The following RAD51AP2 variants were observed in gnomAD, a reference collection of about 807,000 sequenced individuals.
The protein encoded by RAD51AP2 is RAD51 associated protein 2, also known as RAD51-associated protein 2.
In RAD51AP2, 67 loss-of-function variants were observed where a neutral mutation model predicts 85.5. The ratio of observed to expected loss-of-function variants is 0.78; its 90% CI spans 0.64 to 0.96. The LOEUF (loss-of-function observed/expected upper bound fraction) is 0.96, where lower values mean the gene tolerates loss of function less well. Among genes scored for constraint, RAD51AP2 ranks in the 40% least tolerant of loss-of-function variants. The pLI, the probability that RAD51AP2 is intolerant of heterozygous loss-of-function variation, is 0.00. For synonymous variants in RAD51AP2, 474 were observed against 446.5 expected, an observed-to-expected ratio of 1.06 and a Z score of -0.78; for missense variants, 1,307 against 1,332.4, an observed-to-expected ratio of 0.98 and a Z score of 0.30.
At position 17,517,074 on chromosome 2, in the gene RAD51AP2, A is replaced by G. The variant is rs1471471591; in HGVS notation, c.1342T>C (p.Cys448Arg). Residue 448 changes from cysteine to arginine, a missense_variant, in exon 1 of 3, where the codon TGT (cysteine) becomes CGT (arginine). This residue lies in a region of RAD51AP2 where 635 missense variants were observed against 643.6 expected (regional missense o/e 0.99). Transcript: ENST00000399080. Reference sequence around the variant, plus strand: ...TCATATGCATTGATGACTTTTGCACAGTGGTAATCTTCCTTGCTTAAAAGG... The same window carrying G: ...TCATATGCATTGATGACTTTTGCACGGTGGTAATCTTCCTTGCTTAAAAGG... The part of the protein sequence containing the change: ...IDLLSKEDYH[C>R]AKVINAYEEQ... 1.2e-6 allele frequency: 2 copies of G among 1,612,660 alleles called. No individual in the cohort carries two copies. The highest frequency in any genetic ancestry group is 1.7e-6 in the Non-Finnish European group (2 of 1,179,532).
In RAD51AP2 at chr2:17,517,324, T is replaced by C. The variant is rs769565887; in HGVS notation, c.1092A>G (p.Arg364=). 8 of 1,613,938 alleles carry C rather than the reference T, an allele frequency of 5.0e-6. No individual in the cohort carries two copies. The highest frequency in any genetic ancestry group is 6.8e-6 in the Non-Finnish European group (8 of 1,179,970). The change falls in exon 1 of 3, where the codon AGA becomes AGG. Residue 364 remains arginine (R), a synonymous_variant. Transcript: ENST00000399080. ...SSIQCNVRDS[R]KNFAILENAN... ...CATTTTCTAGTATAGCGAAATTCTT[T>C]CTAGAGTCTCTTACATTACACTGGA...
In RAD51AP2 at chr2:17,515,352, C is replaced by A. The variant is rs762335630; in HGVS notation, c.3064G>T (p.Val1022Phe). The change falls in exon 1 of 3, where the codon GTC (valine) becomes TTC (phenylalanine). Residue 1022 changes from valine to phenylalanine, a missense_variant. Physicochemically the swap from Val to Phe is conservative, Grantham distance 50. Transcript: ENST00000399080. ...EIEKDLKMVV[V>F]NKIRASSSFH... ...GAGGAAGATGCACGTATTTTGTTGA[C>A]CACAACCATTTTCAAATCTTTTTCT... 3.8e-5 allele frequency: 62 copies of A among 1,611,894 alleles called. No homozygotes were observed. The Admixed American group carries it at 9.7e-4, about 25-fold the overall frequency.
upstream of RAD51AP2, among the ~76,000 whole-genome samples, chr2:17,521,721 G>A (rs1662860982): frequency 6.6e-6 from 1 of 151,990 alleles, no homozygotes; most frequent in South Asian, 2.1e-4. Context: ...ATGGTAATTT[G>A]TAACATAAAT....
At chr2:17,521,958 T>G (rs1662866129), upstream of RAD51AP2, among the ~76,000 whole-genome samples, 2 of 152,004 alleles carry the variant, frequency 1.3e-5, 1 homozygote, top group South Asian at 4.1e-4. Context: ...ACCCTGAAAT[T>G]AATCCCCCTT....
rs200406177 is a variant in RAD51AP2, at chr2:17,510,863, T to A, written c.3421A>T (p.Lys1141Ter). The A allele has an allele frequency of 1.2e-6, 2 of 1,609,098 alleles. No homozygotes were observed. The highest frequency in any genetic ancestry group is 1.7e-4 in the Middle Eastern group (1 of 6,052). ...RIGLSRKARI[K>*]QLHPYLKQMC... Reference sequence around the variant, plus strand: ...TGTTTCAGATAAGGATGAAGTTGTTTAATCCTTGCTTTTCTTGACAAACCA... The same window carrying A: ...TGTTTCAGATAAGGATGAAGTTGTTAAATCCTTGCTTTTCTTGACAAACCA... The change falls in exon 3 of 3, where the codon AAA becomes TAA. Residue 1141 changes from lysine to a stop codon, truncating the protein, a stop_gained. Transcript: ENST00000399080. LOFTEE classifies it high-confidence loss of function.
chr2:17,516,409 G>C lies in RAD51AP2; in HGVS notation c.2007C>G (p.Ser669=). Reference sequence around the variant, plus strand: ...CTGTATTTTGAGTTGTCATACTGAAGGAATTAATGAGTTTTTTCTTAGACT... The same window carrying C: ...CTGTATTTTGAGTTGTCATACTGAACGAATTAATGAGTTTTTTCTTAGACT... ...FEKSKKKLIN[S]FSMTTQNTGF... is the part of the protein sequence containing the mutation. Residue 669 remains serine (S), a synonymous_variant, in exon 1 of 3, where the codon TCC becomes TCG. Coordinates refer to ENST00000399080, the MANE Select transcript of RAD51AP2 (RefSeq NM_001099218.3). 6.2e-7 allele frequency: 1 copy of C among 1,602,902 alleles called. No individual in the cohort carries two copies. The highest frequency in any genetic ancestry group is 8.5e-7 in the Non-Finnish European group (1 of 1,176,496).
chr2:17,510,919 G>C lies in RAD51AP2; in HGVS notation c.3365C>G (p.Pro1122Arg). 6.2e-7 allele frequency: 1 copy of C among 1,601,262 alleles called. No individual in the cohort carries two copies. Among genetic ancestry groups the C allele is most frequent in the East Asian group, 2.3e-5 (1 of 44,366 alleles). The change falls in exon 3 of 3, where the codon CCG (proline) becomes CGG (arginine). Residue 1122 changes from proline to arginine, a missense_variant. Pro to Arg is a moderately radical substitution (Grantham distance 103). Around this residue, in one of 3 missense-constraint regions of RAD51AP2, gnomAD observed 668 missense variants for 671.0 expected, o/e 1.00. Transcript: ENST00000399080. Reference protein sequence around the residue: ...HFPHGISRVRPLKTCSRPIRI... With the variant: ...HFPHGISRVRRLKTCSRPIRI... ...GATTGGCCTACTGCATGTCTTAAGCGGTCGTACTCTTGAAATGCCATGTGG... is the reference window on the plus strand; with the variant it reads ...GATTGGCCTACTGCATGTCTTAAGCCGTCGTACTCTTGAAATGCCATGTGG...
Position 17,517,563 on chromosome 2 carries a change from T to TGTCATTCTTTTTC in RAD51AP2, c.840_852dup (p.Lys285GlufsTer4). ...AAATCCCTAACATATGCCTCTTTTT[T>TGTCATTCTTTTTC]GTCATTCTTTTTCTTCGCTATTTCC... On this transcript the variant is annotated stop_gained and frameshift_variant, in exon 1 of 3. Transcript: ENST00000399080. LOFTEE classifies it high-confidence loss of function. 6.2e-7 allele frequency: 1 copy of TGTCATTCTTTTTC among 1,613,746 alleles called. No individual in the cohort carries two copies. Among genetic ancestry groups the TGTCATTCTTTTTC allele is most frequent in the Non-Finnish European group, 8.5e-7 (1 of 1,179,946 alleles).
At chr2:17,537,621 A>T in the RAD51AP2 span, among the ~76,000 whole-genome samples, 1 of 152,252 alleles carries the variant, frequency 6.6e-6, no homozygotes, top group South Asian at 2.1e-4. Context: ...AAATAATATT[A>T]CCAGGAGTTC....
chr2:17,513,509 T>TTA (rs1662558093), intron 2 of RAD51AP2, among the ~76,000 whole-genome samples: 1 of 152,140 alleles, frequency 6.6e-6, no homozygotes, highest in South Asian at 2.1e-4. Flanking sequence ...ATTGCTGGGG[T>TTA]TACAGGCGTG....
chr2:17,523,188 T>G (rs1662894352), upstream of RAD51AP2, among the ~76,000 whole-genome samples: 1 of 151,926 alleles, frequency 6.6e-6, no homozygotes, highest in Admixed American at 6.6e-5. Context: ...AGAAGAGTCC[T>G]GGGCACCCAG....
At chr2:17,511,956 A>G (rs562643385) in intron 2 of RAD51AP2, among the ~76,000 whole-genome samples, 4 of 152,328 alleles carry the variant, frequency 2.6e-5, no homozygotes, top group South Asian at 2.1e-4. Context: ...AAAAACTTTG[A>G]AACACAAAGG....
intron 2 of RAD51AP2, among the ~76,000 whole-genome samples, chr2:17,511,563 T>C (rs1471381252): frequency 2.6e-5 from 4 of 152,046 alleles, no homozygotes; most frequent in South Asian, 2.1e-4. Flanking sequence ...TCTCTAACTT[T>C]CAGGGTTTTT....
In RAD51AP2 at chr2:17,516,364, T is replaced by A. The variant is rs987608945; in HGVS notation, c.2052A>T (p.Thr684=). 1 of 1,611,904 alleles carries A rather than the reference T, an allele frequency of 6.2e-7. No individual in the cohort carries two copies. ...TQNTGFPIFE[T]YEKIPLLMDF... is the part of the protein sequence containing the mutation. ...CCATTAAAAGGGGAATTTTTTCATA[T>A]GTTTCAAAAATCGGAAAACCTGTAT... The change falls in exon 1 of 3, where the codon ACA becomes ACT. Residue 684 remains threonine, a synonymous_variant. Transcript: ENST00000399080.
chr2:17,520,099 A>G (rs931867865), upstream of RAD51AP2, among the ~76,000 whole-genome samples: 1 of 152,188 alleles, frequency 6.6e-6, no homozygotes, highest in African/African-American at 2.4e-5. Context: ...TAAAATTCAA[A>G]TAAAACCCAG....
rs1319476830 is a variant in RAD51AP2 at position 17,510,904 on chromosome 2, C to T, written c.3380G>A (p.Ser1127Asn). The T allele has an allele frequency of 6.2e-6, 10 of 1,608,868 alleles. No individual in the cohort carries two copies. Among genetic ancestry groups the T allele is most frequent in the African/African-American group, 2.7e-5 (2 of 74,748 alleles). Residue 1127 changes from serine (S) to asparagine (N), a missense_variant, in exon 3 of 3, where the codon AGT becomes AAT. By Grantham distance (46) the Ser-to-Asn change is conservative. Transcript: ENST00000399080. ...ISRVRPLKTC[S>N]RPIRIGLSRK... ...TGACAAACCAATCCTGATTGGCCTA[C>T]TGCATGTCTTAAGCGGTCGTACTCT... is the stretch of plus-strand genomic sequence containing the variant.
At chr2:17,533,016 T>C in the RAD51AP2 span, among the ~76,000 whole-genome samples, 2 of 152,200 alleles carry the variant, frequency 1.3e-5, no homozygotes, top group Non-Finnish European at 2.9e-5. Context: ...CAAACAAATA[T>C]GTAGGGAGAA....
the RAD51AP2 span, among the ~76,000 whole-genome samples, chr2:17,524,406 G>T: frequency 2.6e-5 from 4 of 151,938 alleles, no homozygotes; most frequent in Non-Finnish European, 2.9e-5. Flanking sequence ...CTACAGTAAA[G>T]TTATATCTAG....
Position 17,516,928 on chromosome 2 carries a change from T to C in RAD51AP2, c.1488A>G (p.Thr496=). 6.3e-7 allele frequency: 1 copy of C among 1,598,002 alleles called. No individual in the cohort carries two copies. The highest frequency in any genetic ancestry group is 8.5e-7 in the Non-Finnish European group (1 of 1,174,314). Residue 496 remains threonine, a synonymous_variant, in exon 1 of 3, where the codon ACA becomes ACG. Transcript: ENST00000399080. ...DNTLQLRYNT[T]QKVFHVNNPF... is the part of the protein sequence containing the mutation. ...GGTTGTTCACATGAAAGACTTTTTG[T>C]GTAGTATTGTATCTCAACTGTAGAG...
Sources: allele counts gnomAD v4.1 joint callset (sites outside exome capture counted in the v4.1 genomes callset), GRCh38; gene constraint gnomAD v4.1.1; regional missense constraint gnomAD v4.1.1; transcripts MANE v1.5; gene names NCBI Gene and HGNC (gene_info 2026-07-23, HGNC 2026-07-21).